Variants in PRKCQ observed in about 807,000 individuals in gnomAD.
PRKCQ encodes the protein protein kinase C theta.
PRKCQ carries 41 observed loss-of-function variants against 91.2 expected under a neutral mutation model. That is an observed-to-expected ratio of 0.45 (90% CI 0.35 to 0.58). The LOEUF (loss-of-function observed/expected upper bound fraction) is 0.58, where lower values mean the gene tolerates loss of function less well. Ranked by LOEUF, PRKCQ falls within the 20% of genes least tolerant of loss-of-function variation. The probability of loss-of-function intolerance (pLI) is 0.00; values close to 1 mark genes in which losing one functional copy is unlikely to be tolerated. For missense variants in PRKCQ, 673 were observed against 896.5 expected, an observed-to-expected ratio of 0.75 and a Z score of 3.18; for synonymous variants, 307 against 316.9, an observed-to-expected ratio of 0.97 and a Z score of 0.33.
At chr10:6,527,140 G>A (rs1839228711) in intron 1 of PRKCQ, among the ~76,000 whole-genome samples, 1 of 152,168 alleles carries the variant, frequency 6.6e-6, no homozygotes, top group African/African-American at 2.4e-5. Context: ...TTTTATTTTG[G>A]ACACGTTAAC....
chr10:6,456,434 TG>T (rs1172178804), intron 15 of PRKCQ, among the ~76,000 whole-genome samples: 1 of 152,116 alleles, frequency 6.6e-6, no homozygotes, highest in Non-Finnish European at 1.5e-5. Context: ...GTTTTAAGGC[TG>T]GGGGAAAGGA....
At chr10:6,480,949 G>T (rs916831223) in intron 11 of PRKCQ, among the ~76,000 whole-genome samples, 2 of 152,208 alleles carry the variant, frequency 1.3e-5, no homozygotes, top group African/African-American at 2.4e-5. Context: ...CTTAAAATTT[G>T]TTTGAGAACA....
rs144960363 is a variant in PRKCQ at position 6,477,471 on chromosome 10, T to C, written c.1353+1521A>G. Among the ~76,000 whole-genome samples the C allele has an allele frequency of 5.2e-3, 785 of 152,346 alleles. 6 individuals are homozygous for C. The highest frequency in any genetic ancestry group is 0.016 in the African/African-American group (676 of 41,576). On this transcript the variant is annotated intron_variant, in intron 12 of 17. Coordinates refer to ENST00000263125, the MANE Select transcript of PRKCQ (RefSeq NM_006257.5). The stretch of plus-strand genomic sequence containing the variant: ...ATGGATGCCCCAGTTGCCATCCACT[T>C]TCCTCATTCATTCCCTGGTTCCCTC...
Position 6,580,243 on chromosome 10 carries a change from GGCGCTGGGACT to G in PRKCQ, c.-53_-43del, listed in dbSNP as rs1188946177. ...GAGCACGGCGCCGCTGCTGCCCGGTGGCGCTGGGACTGCGCGGGGACTGCGCGGGGACTGCG... is the reference window on the plus strand; with the variant it reads ...GAGCACGGCGCCGCTGCTGCCCGGTGGCGCGGGGACTGCGCGGGGACTGCG... On this transcript the variant is annotated 5_prime_UTR_variant, in exon 1 of 18. Transcript: ENST00000263125. The G allele has an allele frequency of 2.4e-3, 365 of 151,232 alleles. 2 individuals carry two copies. The highest frequency in any genetic ancestry group is 8.2e-3 in the South Asian group (43 of 5,268). 9.4% of individuals were successfully genotyped at this position (151,232 alleles called of 1,614,324 possible).
At chr10:6,422,212 A>T (rs2132206681), downstream of PRKCQ, among the ~76,000 whole-genome samples, 1 of 152,176 alleles carries the variant, frequency 6.6e-6, no homozygotes, top group South Asian at 2.1e-4. Flanking sequence ...CACATTAGGT[A>T]CTCTTCCAAG....
intron 12 of PRKCQ, among the ~76,000 whole-genome samples, chr10:6,471,159 T>TC (rs1248125303): frequency 6.6e-6 from 1 of 151,462 alleles, no homozygotes; most frequent in African/African-American, 2.4e-5. Flanking sequence ...TCTCTTCCGC[T>TC]CCCCCCTGTG....
Position 6,442,166 on chromosome 10 carries a change from G to A in PRKCQ, c.1648-85C>T, listed in dbSNP as rs577869141. On this transcript the variant is annotated intron_variant, in intron 15 of 17. Coordinates refer to ENST00000263125, the MANE Select transcript of PRKCQ (RefSeq NM_006257.5). ...TTCCTGAGCGTCTCAAGGCCACTCA[G>A]TAAATGGTCGAGGATGATGGTGTGC... 2.9e-5 allele frequency: 38 copies of A among 1,324,974 alleles called. No individual in the cohort carries two copies. The African/African-American group carries it at 4.4e-4, about 15-fold the overall frequency. 82.1% of individuals were successfully genotyped at this position (1,324,974 alleles called of 1,614,324 possible).
chr10:6,452,950 G>A (rs1490900390), intron 15 of PRKCQ, among the ~76,000 whole-genome samples: 1 of 149,494 alleles, frequency 6.7e-6, no homozygotes, highest in Admixed American at 6.7e-5. Context: ...TTAAATGTTA[G>A]ACCTAAAACC....
chr10:6,549,367 A>G (rs977787858), intron 1 of PRKCQ, among the ~76,000 whole-genome samples: 1 of 152,188 alleles, frequency 6.6e-6, no homozygotes, highest in Non-Finnish European at 1.5e-5. Context: ...CATATGAGCC[A>G]ACATCAAAGA....
chr10:6,515,167 C>T (rs779760216), intron 1 of PRKCQ, 23 bp from the exon 2 acceptor site: 28 of 1,611,488 alleles, frequency 1.7e-5, no homozygotes, highest in East Asian at 1.1e-4. Context: ...AAAAGACAAA[C>T]GCTGTTTGGG....
intron 1 of PRKCQ, among the ~76,000 whole-genome samples, chr10:6,550,935 C>A (rs1057399031): frequency 6.6e-6 from 1 of 152,180 alleles, no homozygotes; most frequent in Non-Finnish European, 1.5e-5. Flanking sequence ...CTTTGATTTG[C>A]ACTTCTCTAA....
chr10:6,428,009 G>A lies in PRKCQ; in HGVS notation c.*198C>T, dbSNP rs1833203262. Reference sequence around the variant, plus strand: ...GCGTCTGTGAGACATGTCAGGAGACGAGACACACGGCATCGTCATTAGTGA... The same window carrying A: ...GCGTCTGTGAGACATGTCAGGAGACAAGACACACGGCATCGTCATTAGTGA... On this transcript the variant is annotated 3_prime_UTR_variant, in exon 18 of 18. Transcript: ENST00000263125. 1.4e-5 allele frequency: 9 copies of A among 628,576 alleles called. No homozygotes were observed. Among genetic ancestry groups the A allele is most frequent in the Non-Finnish European group, 2.2e-5 (8 of 368,166 alleles). The allele number at this position is 628,576 out of a possible 1,614,324, so 38.9% of individuals were successfully genotyped here. A position where few individuals can be genotyped will look rare whatever the true frequency, so the allele number is the denominator to read the frequency against.
chr10:6,542,694 G>A (rs998911137), intron 1 of PRKCQ, among the ~76,000 whole-genome samples: 2 of 151,984 alleles, frequency 1.3e-5, no homozygotes, highest in Non-Finnish European at 2.9e-5. Context: ...AGCACCCAGG[G>A]GTATGTCCTG....
At chr10:6,564,409 C>T (rs1161013066) in intron 1 of PRKCQ, among the ~76,000 whole-genome samples, 1 of 152,126 alleles carries the variant, frequency 6.6e-6, no homozygotes, top group Non-Finnish European at 1.5e-5. Context: ...TGTCCTTCTG[C>T]GATGCCACTG....
At chr10:6,488,519 G>A (rs1453758890) in intron 8 of PRKCQ, among the ~76,000 whole-genome samples, 1 of 151,836 alleles carries the variant, frequency 6.6e-6, no homozygotes, top group East Asian at 1.9e-4. Context: ...CTGAGTAGCT[G>A]GGATTACAGG....
intron 1 of PRKCQ, among the ~76,000 whole-genome samples, chr10:6,536,660 A>C (rs1214506353): frequency 6.6e-6 from 1 of 152,190 alleles, no homozygotes; most frequent in Non-Finnish European, 1.5e-5. Context: ...AAATAGGATG[A>C]AGAGCGGTAT....
intron 8 of PRKCQ, among the ~76,000 whole-genome samples, chr10:6,490,799 C>A (rs1837253980): frequency 1.3e-5 from 2 of 151,774 alleles, no homozygotes; most frequent in South Asian, 4.1e-4. Context: ...TGTCTGTATG[C>A]AACAGGTGGT....
chr10:6,510,709 G>C (rs111730126), intron 3 of PRKCQ, among the ~76,000 whole-genome samples: 53 of 152,286 alleles, frequency 3.5e-4, no homozygotes, highest in African/African-American at 1.2e-3. Flanking sequence ...AGGGGAATTT[G>C]AGATATTCCA....
intron 16 of PRKCQ, among the ~76,000 whole-genome samples, chr10:6,437,546 A>T (rs1049768452): frequency 6.6e-6 from 1 of 152,180 alleles, no homozygotes; most frequent in African/African-American, 2.4e-5. Context: ...CATTATTACG[A>T]TTGCTACATT....
Sources: gnomAD v4.1 joint callset for allele counts (sites outside exome capture counted in the v4.1 genomes callset) on GRCh38, gnomAD v4.1.1 for gene constraint, MANE v1.5 for transcripts, NCBI Gene and HGNC (gene_info 2026-07-23, HGNC 2026-07-21) for gene names.